ZNF273: variants seen among roughly 807,000 people sequenced by gnomAD.
ZNF273 encodes zinc finger protein 273, also known as zinc finger protein 9.
ZNF273 carries 11 observed loss-of-function variants against 14.9 expected under a neutral mutation model. The ratio of observed to expected loss-of-function variants is 0.74; its 90% CI spans 0.46 to 1.22. ZNF273 has a LOEUF of 1.22. Among genes scored for constraint, ZNF273 ranks in the 50% most tolerant of loss-of-function variants. The pLI, the probability that ZNF273 is intolerant of heterozygous loss-of-function variation, is 0.00. For synonymous variants in ZNF273, 199 were observed against 223.9 expected (o/e 0.89, Z 0.99); for missense variants, 577 against 660.6 (o/e 0.87, Z 1.39).
Position 64,918,307 on chromosome 7 carries a change from T to C in ZNF273, c.325+15T>C, listed in dbSNP as rs750615992. The C allele has an allele frequency of 6.5e-7, 1 of 1,540,080 alleles. No homozygotes were observed. The highest frequency in any genetic ancestry group is 8.8e-7 in the Non-Finnish European group (1 of 1,136,660). On this transcript the variant is annotated intron_variant, in intron 3 of 3. Transcript: ENST00000476120. ...CAAACCCCCAGGTAGGTGAGAGTGA[T>C]AGCGAATATAACAGATGACACAGAT...
chr7:64,892,671 C>T (rs1028107642), downstream of ZNF273, among the ~76,000 whole-genome samples: 1 of 152,162 alleles, frequency 6.6e-6, no homozygotes, highest in Non-Finnish European at 1.5e-5. Flanking sequence ...AAATGGGCTG[C>T]AGGATCCACA....
chr7:64,903,099 T>G (rs1190205254), upstream of ZNF273: 6 of 450,168 alleles, frequency 1.3e-5, no homozygotes, highest in Admixed American at 2.2e-4. Flanking sequence ...GCCTGCAGTT[T>G]AGGTTTCATT....
Position 64,903,400 on chromosome 7 carries a change from T to A in ZNF273, c.83T>A (p.Leu28His), listed in dbSNP as rs761524098. 6 of 1,613,160 alleles carry A rather than the reference T, an allele frequency of 3.7e-6. No individual in the cohort carries two copies. The highest frequency in any genetic ancestry group is 5.1e-6 in the Non-Finnish European group (6 of 1,179,316). ...AGATCCACAGCTAAGACGCCAGGAC[T>A]CCCTGGAAGCCTAGAAATGGTGAGA... ...IGRSTAKTPG[L>H]PGSLEMGPLT... The change falls in exon 1 of 4, where the codon CTC becomes CAC. Residue 28 changes from leucine (L) to histidine (H), a missense_variant. By Grantham distance (99) the Leu-to-His change is moderately conservative. Coordinates refer to ENST00000476120, the MANE Select transcript of ZNF273 (RefSeq NM_021148.3).
chr7:64,923,125 CG>C (rs1437086485), intron 3 of ZNF273, among the ~76,000 whole-genome samples: 1 of 151,988 alleles, frequency 6.6e-6, no homozygotes, highest in Non-Finnish European at 1.5e-5. Context: ...CATTTTTTCC[CG>C]TTTTCATGGC....
At position 64,928,082 on chromosome 7, in the gene ZNF273, C is replaced by T; in HGVS notation, c.754C>T (p.His252Tyr). Residue 252 changes from histidine to tyrosine, a missense_variant, in exon 4 of 4, where the codon CAT becomes TAT. This residue lies in a region of ZNF273 where 411 missense variants were observed against 440.4 expected (regional missense o/e 0.93). Transcript: ENST00000476120. ...TAACCAGTTCTCAAATCTTACTAAACATAAGATAATTCATCCTGAAGTGAA... is the reference window on the plus strand; with the variant it reads ...TAACCAGTTCTCAAATCTTACTAAATATAAGATAATTCATCCTGAAGTGAA... ...AFNQFSNLTK[H>Y]KIIHPEVNPY... 6.2e-7 allele frequency: 1 copy of T among 1,612,930 alleles called. No homozygotes were observed. The highest frequency in any genetic ancestry group is 8.5e-7 in the Non-Finnish European group (1 of 1,179,400).
chr7:64,932,869 A>G (rs1795021833), downstream of ZNF273, among the ~76,000 whole-genome samples: 1 of 152,164 alleles, frequency 6.6e-6, no homozygotes, highest in Non-Finnish European at 1.5e-5. Flanking sequence ...TTCACACAGA[A>G]TCTATTTTTA....
chr7:64,901,088 T>G (rs1359194440), upstream of ZNF273, among the ~76,000 whole-genome samples: 1 of 151,964 alleles, frequency 6.6e-6, no homozygotes, highest in African/African-American at 2.4e-5. Context: ...TTGCAGCCTC[T>G]GCCTCCTGAG....
downstream of ZNF273, chr7:64,889,632 G>A (rs1791845294): frequency 4.1e-6 from 4 of 986,142 alleles, no homozygotes; most frequent in African/African-American, 5.2e-5. The surrounding 1 kb of genome is among the most constrained non-coding windows in gnomAD (Gnocchi z 4.2). Context: ...CGGGGCTGCT[G>A]CTGACCGGAG....
chr7:64,893,844 C>T (rs1023294977), downstream of ZNF273: 2 of 153,854 alleles, frequency 1.3e-5, no homozygotes, highest in African/African-American at 4.8e-5. Context: ...GTCCTAGTCA[C>T]TACCCAGCAA....
intron 1 of ZNF273, among the ~76,000 whole-genome samples, chr7:64,905,420 CTTTTTTTT>C (rs34374261): frequency 7.1e-5 from 6 of 84,226 alleles, no homozygotes; most frequent in East Asian, 6.7e-4. Context: ...GCTGGCCACA[CTTTTTTTT>C]TTTTTTTTTT....
intron 1 of ZNF273, 123 bp from the exon 2 acceptor site, chr7:64,917,458 A>G: frequency 7.1e-7 from 1 of 1,406,596 alleles, no homozygotes; most frequent in Non-Finnish European, 9.5e-7. Context: ...TTATTGGATA[A>G]TTTTAGTCAC....
chr7:64,935,446 T>C (rs574108164), downstream of ZNF273, among the ~76,000 whole-genome samples: 1 of 152,334 alleles, frequency 6.6e-6, no homozygotes, highest in South Asian at 2.1e-4. Context: ...ATTTGTCCTA[T>C]ACCTGTTTTA....
chr7:64,921,086 GA>G (rs1794417668), intron 3 of ZNF273, among the ~76,000 whole-genome samples: 1 of 150,356 alleles, frequency 6.7e-6, no homozygotes, highest in African/African-American at 2.4e-5. Context: ...CTTTGAGATA[GA>G]ATTTTTAGCT....
At chr7:64,902,613 A>G (rs950281376), upstream of ZNF273, among the ~76,000 whole-genome samples, 11 of 152,330 alleles carry the variant, frequency 7.2e-5, no homozygotes, top group Admixed American at 1.3e-4. Flanking sequence ...GAGGCAGGAG[A>G]ATCGCTTGAA....
In ZNF273 at chr7:64,906,836, T is replaced by TA. The variant is rs34632422; in HGVS notation, c.102+3428dup. Reference sequence around the variant, plus strand: ...ACTTACAAAATAAAACAAAGTTATGTAAAAAAAAAAATTTGAATTCCAAAA... The same window carrying TA: ...ACTTACAAAATAAAACAAAGTTATGTAAAAAAAAAAAATTTGAATTCCAAAA... On this transcript the variant is annotated intron_variant, in intron 1 of 3. Coordinates refer to ENST00000476120, the MANE Select transcript of ZNF273 (RefSeq NM_021148.3). 2.5e-4 allele frequency among the ~76,000 whole-genome samples: 37 copies of TA among 150,068 alleles called. No homozygotes were observed. The South Asian group carries it at 3.4e-3, about 14-fold the overall frequency.
chr7:64,890,375 G>A (rs893301855), downstream of ZNF273, among the ~76,000 whole-genome samples: 24 of 152,014 alleles, frequency 1.6e-4, no homozygotes, highest in African/African-American at 5.6e-4. Context: ...AGGAGAGCAG[G>A]TTCCGTGATC....
At chr7:64,892,900 G>T (rs1212524626), downstream of ZNF273, among the ~76,000 whole-genome samples, 1 of 151,996 alleles carries the variant, frequency 6.6e-6, no homozygotes, top group African/African-American at 2.4e-5. Context: ...TCTTAAGTGG[G>T]TCTTCTTCCT....
intron 3 of ZNF273, among the ~76,000 whole-genome samples, chr7:64,918,885 A>G (rs1794223289): frequency 6.6e-6 from 1 of 152,094 alleles, no homozygotes; most frequent in Non-Finnish European, 1.5e-5. Flanking sequence ...AAACTGCACA[A>G]TCTTACTGCT....
At chr7:64,887,917 G>A (rs935376009) in intron 1 of ZNF273, among the ~76,000 whole-genome samples, 2 of 151,708 alleles carry the variant, frequency 1.3e-5, no homozygotes, top group African/African-American at 4.8e-5. Context: ...CCTCACCCTT[G>A]TGCGAATCCA....
Sources: gnomAD v4.1 joint callset for allele counts (sites outside exome capture counted in the v4.1 genomes callset) on GRCh38, gnomAD v4.1.1 for gene constraint, gnomAD v4.1.1 regional missense constraint, Gnocchi (gnomAD v3.1) non-coding constraint, MANE v1.5 for transcripts, NCBI Gene and HGNC (gene_info 2026-07-23, HGNC 2026-07-21) for gene names.